CNBD1: variants seen among roughly 807,000 people sequenced by gnomAD.
CNBD1 encodes the protein cyclic nucleotide binding domain containing 1.
A neutral mutation model predicts 54.4 loss-of-function variants in CNBD1; 71 were observed. The observed-to-expected ratio is 1.30, with a 90% CI of 1.08 to 1.59. The LOEUF (loss-of-function observed/expected upper bound fraction) is 1.59, where lower values mean the gene tolerates loss of function less well. Among genes scored for constraint, CNBD1 ranks in the 40% most tolerant of loss-of-function variants. The pLI is 0.00. For missense variants in CNBD1, 659 were observed against 518.0 expected (o/e 1.27, Z -2.64); for synonymous variants, 182 against 170.7 (o/e 1.07, Z -0.51).
intron 8 of CNBD1, among the ~76,000 whole-genome samples, chr8:87,338,427 A>C (rs1024408182): frequency 6.6e-6 from 1 of 151,944 alleles, no homozygotes; most frequent in Non-Finnish European, 1.5e-5. Flanking sequence ...TTGAAGGATA[A>C]TTTTTCAGGT....
rs936049073 is a variant in CNBD1, at chr8:87,123,414, A to G, written c.432-82579A>G. Among the ~76,000 whole-genome samples the G allele has an allele frequency of 2.6e-5, 4 of 151,904 alleles. No homozygotes were observed. The East Asian group carries it at 5.8e-4, about 22-fold the overall frequency. On this transcript the variant is annotated intron_variant, in intron 4 of 10. Transcript: ENST00000518476. ...AAATTAAACACGATGCTCCTAAACA[A>G]CCTGTAGGTCACAGAAGTAATCAAA...
Position 86,939,447 on chromosome 8 carries a change from A to G in CNBD1, c.273-149A>G, listed in dbSNP as rs547224364. 2.5e-5 allele frequency: 12 copies of G among 489,122 alleles called. No homozygotes were observed. In the East Asian group the frequency reaches 2.9e-4, roughly 12 times the overall value. 30.3% of individuals were successfully genotyped at this position (489,122 alleles called of 1,614,324 possible). On this transcript the variant is annotated intron_variant, in intron 3 of 10. Coordinates refer to ENST00000518476, the MANE Select transcript of CNBD1 (RefSeq NM_173538.3). ...ATATAACTGTACTATGGAGATTGAA[A>G]CATTCTAATGCATTTAAAAAGAATA...
chr8:87,001,538 G>C (rs1030233220), intron 4 of CNBD1, among the ~76,000 whole-genome samples: 3 of 152,062 alleles, frequency 2.0e-5, no homozygotes, highest in African/African-American at 7.2e-5. Flanking sequence ...CTGTATTTGA[G>C]GCCAGCTGTT....
chr8:86,951,581 CAAAAAAAAAAAAAAAAAA>C (rs71275901), intron 4 of CNBD1, among the ~76,000 whole-genome samples: 55 of 37,358 alleles, frequency 1.5e-3, no homozygotes, highest in East Asian at 9.8e-3. Flanking sequence ...CTCCGTCTCA[CAAAAAAAAAAAAAAAAAA>C]AAAAAAAAAA....
intron 4 of CNBD1, among the ~76,000 whole-genome samples, chr8:86,957,757 T>G (rs1314354426): frequency 6.6e-6 from 1 of 152,182 alleles, no homozygotes; most frequent in Non-Finnish European, 1.5e-5. Flanking sequence ...TCTATCAATT[T>G]TGTTGATCTT....
chr8:87,419,841 A>G (rs944420165), intron 2 of CNBD1, among the ~76,000 whole-genome samples: 6 of 151,658 alleles, frequency 4.0e-5, no homozygotes, highest in Admixed American at 3.3e-4. Context: ...AGGACAAGAG[A>G]GAAAATGGTC....
chr8:87,108,102 G>A (rs1285382496), intron 4 of CNBD1, among the ~76,000 whole-genome samples: 1 of 152,092 alleles, frequency 6.6e-6, no homozygotes, highest in African/African-American at 2.4e-5. Flanking sequence ...TGATAGTTTT[G>A]AAAATAGATA....
At chr8:87,233,824 T>A (rs1482376094) in intron 5 of CNBD1, among the ~76,000 whole-genome samples, 1 of 152,184 alleles carries the variant, frequency 6.6e-6, no homozygotes, top group Admixed American at 6.5e-5. Flanking sequence ...ATCAATTGAC[T>A]CTTCCTTTTA....
intron 4 of CNBD1, among the ~76,000 whole-genome samples, chr8:87,143,141 A>G (rs1321395584): frequency 6.6e-6 from 1 of 152,176 alleles, no homozygotes; most frequent in Non-Finnish European, 1.5e-5. Context: ...AGAAACAGGC[A>G]ACTCAATTGA....
chr8:87,086,605 C>T (rs1811100848), intron 4 of CNBD1, among the ~76,000 whole-genome samples: 1 of 151,792 alleles, frequency 6.6e-6, no homozygotes, highest in East Asian at 1.9e-4. Flanking sequence ...AGATGTTTTC[C>T]CTAGAGCAAT....
rs931325204 is a variant in CNBD1, at chr8:87,274,537, T to C, written c.772-10141T>C. Among the ~76,000 whole-genome samples the C allele has an allele frequency of 2.0e-5, 3 of 149,192 alleles. 1 individual carries two copies. The South Asian group carries it at 6.5e-4, about 32-fold the overall frequency. On this transcript the variant is annotated intron_variant, in intron 6 of 10. Coordinates refer to ENST00000518476, the MANE Select transcript of CNBD1 (RefSeq NM_173538.3). ...TGATGGCCAGTGATGGTGAGCATTT[T>C]TTCTTGTTTTTTGGCTACATAAATG...
chr8:87,081,235 TCTTTC>T (rs1810984186), intron 4 of CNBD1, among the ~76,000 whole-genome samples: 1 of 152,166 alleles, frequency 6.6e-6, no homozygotes, highest in South Asian at 2.1e-4. Context: ...TATTTTCTAA[TCTTTC>T]CTTATTGATT....
intron 4 of CNBD1, among the ~76,000 whole-genome samples, chr8:87,202,112 T>TA (rs1292915830): frequency 2.0e-5 from 3 of 152,204 alleles, no homozygotes; most frequent in African/African-American, 7.2e-5. Flanking sequence ...GCTGACAAGA[T>TA]AAAATTGAAG....
intron 3 of CNBD1, among the ~76,000 whole-genome samples, chr8:86,914,105 T>A (rs538327259): frequency 6.6e-6 from 1 of 152,328 alleles, no homozygotes; most frequent in East Asian, 1.9e-4. Flanking sequence ...TGCCCAGATT[T>A]GTTATTGTTC....
chr8:87,426,384 A>G (rs898087327), intron 2 of CNBD1, among the ~76,000 whole-genome samples: 1 of 152,180 alleles, frequency 6.6e-6, no homozygotes, highest in Non-Finnish European at 1.5e-5. Flanking sequence ...CAACATCATG[A>G]TCGGAGTAAT....
chr8:86,943,269 T>G (rs1807380053), intron 4 of CNBD1, among the ~76,000 whole-genome samples: 1 of 144,758 alleles, frequency 6.9e-6, no homozygotes, highest in Non-Finnish European at 1.5e-5. Context: ...TAGTCCCAGC[T>G]ACTCGGGAGG....
At chr8:86,921,696 C>A (rs542453435) in intron 3 of CNBD1, among the ~76,000 whole-genome samples, 1 of 152,286 alleles carries the variant, frequency 6.6e-6, no homozygotes, top group Non-Finnish European at 1.5e-5. Flanking sequence ...GGGAAACTAC[C>A]TCCATGATTC....
chr8:86,989,902 G>A lies in CNBD1; in HGVS notation c.431+50148G>A, dbSNP rs184760060. On this transcript the variant is annotated intron_variant, in intron 4 of 10. Coordinates refer to ENST00000518476, the MANE Select transcript of CNBD1 (RefSeq NM_173538.3). Reference sequence around the variant, plus strand: ...GAATAAAAGCCATTTTAACTGGGAAGGTAGGACAGCCCATTGTAGTTTTGA... The same window carrying A: ...GAATAAAAGCCATTTTAACTGGGAAAGTAGGACAGCCCATTGTAGTTTTGA... Among the ~76,000 whole-genome samples, 9 of 152,240 alleles carry A rather than the reference G, an allele frequency of 5.9e-5. No individual in the cohort carries two copies. The East Asian group carries it at 1.5e-3, about 26-fold the overall frequency.
intron 2 of CNBD1, among the ~76,000 whole-genome samples, chr8:86,893,277 G>T (rs1266246573): frequency 6.6e-6 from 1 of 152,136 alleles, no homozygotes; most frequent in African/African-American, 2.4e-5. Flanking sequence ...TTGTTTAGGC[G>T]GGATTTTCTA....
Sources: gnomAD v4.1 joint callset for allele counts (sites outside exome capture counted in the v4.1 genomes callset) on GRCh38, gnomAD v4.1.1 for gene constraint, MANE v1.5 for transcripts, NCBI Gene and HGNC (gene_info 2026-07-23, HGNC 2026-07-21) for gene names.